The following NAA60 variants were observed in gnomAD, a reference collection of about 807,000 sequenced individuals.
The protein encoded by NAA60 is N-alpha-acetyltransferase 60.
Under a neutral mutation model 26.1 loss-of-function variants are expected in NAA60, and 8 were observed. The ratio of observed to expected loss-of-function variants is 0.31; its 90% CI spans 0.18 to 0.55. NAA60 has a LOEUF of 0.55. NAA60 is among the 20% of genes least tolerant of loss of function. The pLI is 0.93. For missense variants in NAA60, 290 were observed against 311.3 expected, an observed-to-expected ratio of 0.93 and a Z score of 0.51; for synonymous variants, 131 against 122.5, an observed-to-expected ratio of 1.07 and a Z score of -0.46.
chr16:3,476,414 C>T (rs1366968484), intron 3 of NAA60, 77 bp downstream of exon 3: 13 of 1,216,370 alleles, frequency 1.1e-5, no homozygotes, highest in Non-Finnish European at 1.5e-5. Flanking sequence ...GGGTGGGGGC[C>T]TCTTGGGCCC....
intron 2 of NAA60, among the ~76,000 whole-genome samples, chr16:3,469,126 C>G (rs12446248): frequency 1.3e-5 from 2 of 152,040 alleles, no homozygotes; most frequent in Non-Finnish European, 2.9e-5. Context: ...CGCATTCTCC[C>G]GTGCAATACT....
intron 2 of NAA60, among the ~76,000 whole-genome samples, chr16:3,467,006 C>T (rs2035805607): frequency 6.6e-6 from 1 of 151,778 alleles, no homozygotes; most frequent in African/African-American, 2.4e-5. Flanking sequence ...GAGGCCTGCC[C>T]AAGATGGGTG....
At chr16:3,460,015 G>T (rs1282298274) in intron 2 of NAA60, among the ~76,000 whole-genome samples, 3 of 152,208 alleles carry the variant, frequency 2.0e-5, no homozygotes, top group African/African-American at 7.2e-5. Context: ...TGCTAACTGG[G>T]TGCTCGTAAC....
chr16:3,445,254 CCTT>C (rs1357157819), intron 1 of NAA60, among the ~76,000 whole-genome samples: 2 of 151,608 alleles, frequency 1.3e-5, no homozygotes, highest in African/African-American at 4.8e-5. Flanking sequence ...GTCATCTTTC[CCTT>C]CTTGGTTTGT....
chr16:3,448,558 G>A lies in NAA60; in HGVS notation c.-7+18G>A, dbSNP rs2034646786. 6.5e-7 allele frequency: 1 copy of A among 1,533,250 alleles called. No individual in the cohort carries two copies. The highest frequency in any genetic ancestry group is 8.7e-7 in the Non-Finnish European group (1 of 1,144,974). The allele number at this position is 1,533,250 out of a possible 1,614,324, so 95.0% of individuals were successfully genotyped here. The stretch of plus-strand genomic sequence containing the variant: ...TCCAGAGAGTGAGTCAAAGCGCTCT[G>A]TGTCCTGCTATTAATGATGCCCTCA... On this transcript the variant is annotated intron_variant, in intron 2 of 7. Coordinates refer to ENST00000407558, the MANE Select transcript of NAA60 (RefSeq NM_001083601.3).
At chr16:3,470,868 G>T (rs980100128) in intron 2 of NAA60, among the ~76,000 whole-genome samples, 1 of 152,234 alleles carries the variant, frequency 6.6e-6, no homozygotes, top group African/African-American at 2.4e-5. Context: ...TCTGTTTCGT[G>T]CACCTTCCTG....
chr16:3,478,630 G>A (rs2036631048), intron 3 of NAA60, among the ~76,000 whole-genome samples: 1 of 152,212 alleles, frequency 6.6e-6, no homozygotes, highest in African/African-American at 2.4e-5. Context: ...GCTCAGAGGG[G>A]TCTTGGCCTC....
At chr16:3,484,189 T>G (rs1209451094) in intron 6 of NAA60, among the ~76,000 whole-genome samples, 1 of 152,048 alleles carries the variant, frequency 6.6e-6, no homozygotes, top group Admixed American at 6.6e-5. Flanking sequence ...GTGTGTGTGT[T>G]TTCAAATTCA....
At position 3,456,259 on chromosome 16, in the gene NAA60, A is replaced by C. The variant is rs369890524; in HGVS notation, c.-7+7719A>C. 2.6e-5 allele frequency among the ~76,000 whole-genome samples: 4 copies of C among 152,164 alleles called. No homozygotes were observed. In the East Asian group the frequency reaches 5.8e-4, roughly 22 times the overall value. On this transcript the variant is annotated intron_variant, in intron 2 of 7. Transcript: ENST00000407558. ...TAAGTGCCCATTCTGACTCAGTCCA[A>C]CTGAGTCCTGAGGTTCTGCATTTTT... is the stretch of plus-strand genomic sequence containing the variant.
chr16:3,456,961 T>C (rs2150955618), intron 2 of NAA60: 1 of 152,244 alleles, frequency 6.6e-6, no homozygotes, highest in African/African-American at 2.4e-5. Context: ...GGCTAATTTT[T>C]TTGTATTTTT....
intron 6 of NAA60, among the ~76,000 whole-genome samples, chr16:3,484,236 C>G (rs892921754): frequency 2.0e-5 from 3 of 152,076 alleles, no homozygotes; most frequent in Admixed American, 1.3e-4. Flanking sequence ...GAATAATAAG[C>G]AGGAAAGAGA....
chr16:3,443,864 G>C lies in NAA60; in HGVS notation c.-77+27G>C. On this transcript the variant is annotated intron_variant, in intron 1 of 7. Transcript: ENST00000407558. ...TGGGTTCGGCCAACAGTGCCCTGTA[G>C]GCCTGAAATTTCGGTCTGGCCAGAG... 3.3e-6 allele frequency: 5 copies of C among 1,527,560 alleles called. No individual in the cohort carries two copies. The South Asian group carries it at 6.0e-5, about 18-fold the overall frequency. 94.6% of individuals were successfully genotyped at this position (1,527,560 alleles called of 1,614,324 possible).
chr16:3,455,027 T>C (rs1877273284), intron 2 of NAA60, among the ~76,000 whole-genome samples: 1 of 152,108 alleles, frequency 6.6e-6, no homozygotes, highest in African/African-American at 2.4e-5. Flanking sequence ...CGTGGAGAAA[T>C]AGTTATTTTC....
At position 3,486,588 on chromosome 16, in the gene NAA60, CCCTCCTTGACGGTGCTGGCAGGAGGG is replaced by C. The variant is rs1290191913; in HGVS notation, c.*1331_*1356del. ...CAGGCACCAGGCAGGAGCAGCATCC[CCCTCCTTGACGGTGCTGGCAGGAGGG>C]CCGCGCCATGCTGACTGCTTGAACC... On this transcript the variant is annotated 3_prime_UTR_variant, in exon 8 of 8. Coordinates refer to ENST00000407558, the MANE Select transcript of NAA60 (RefSeq NM_001083601.3). 3 of 152,422 alleles carry C rather than the reference CCCTCCTTGACGGTGCTGGCAGGAGGG, an allele frequency of 2.0e-5. No individual in the cohort carries two copies. The highest frequency in any genetic ancestry group is 4.4e-5 in the Non-Finnish European group (3 of 68,202). 9.4% of individuals were successfully genotyped at this position (152,422 alleles called of 1,614,324 possible).
intron 2 of NAA60, among the ~76,000 whole-genome samples, chr16:3,473,487 G>A (rs928455371): frequency 6.6e-6 from 1 of 152,180 alleles, no homozygotes; most frequent in Non-Finnish European, 1.5e-5. Flanking sequence ...CTGCTCCCAT[G>A]ACTCAGTTAT....
chr16:3,477,189 G>C (rs2036537210), intron 3 of NAA60, among the ~76,000 whole-genome samples: 1 of 152,090 alleles, frequency 6.6e-6, no homozygotes, highest in South Asian at 2.1e-4. Context: ...ATTTTACAAG[G>C]GGGTATGTAC....
intron 1 of NAA60, among the ~76,000 whole-genome samples, 194 bp from the exon 2 acceptor site, chr16:3,448,277 A>AC (rs1250801468): frequency 6.7e-6 from 1 of 149,418 alleles, no homozygotes; most frequent in Non-Finnish European, 1.5e-5. Context: ...TTGTCTCAAA[A>AC]AAAAAAAAAA....
chr16:3,471,501 C>T (rs898005562), intron 2 of NAA60, among the ~76,000 whole-genome samples: 35 of 152,046 alleles, frequency 2.3e-4, no homozygotes, highest in African/African-American at 8.2e-4. Context: ...AAGACTCCAT[C>T]TCAAAAAATA....
At chr16:3,477,182 T>G (rs2036536837) in intron 3 of NAA60, among the ~76,000 whole-genome samples, 1 of 152,208 alleles carries the variant, frequency 6.6e-6, no homozygotes, top group East Asian at 1.9e-4. Context: ...GAAAAAAATT[T>G]TACAAGGGGG....
Sources: allele counts gnomAD v4.1 joint callset (sites outside exome capture counted in the v4.1 genomes callset), GRCh38; gene constraint gnomAD v4.1.1; transcripts MANE v1.5; gene names NCBI Gene and HGNC (gene_info 2026-07-23, HGNC 2026-07-21).